VIL1: variants seen among roughly 807,000 people sequenced by gnomAD.
VIL1 encodes the protein villin-1.
VIL1 carries 86 observed loss-of-function variants against 104.0 expected under a neutral mutation model. That is an observed-to-expected ratio of 0.83 (90% CI 0.69 to 0.99). VIL1 has a LOEUF of 0.99. Ranked by LOEUF, VIL1 falls within the 50% of genes least tolerant of loss-of-function variation. The pLI is 0.00. For synonymous variants in VIL1, 394 were observed against 412.6 expected (o/e 0.95, Z 0.55); for missense variants, 944 against 1,054.1 (o/e 0.90, Z 1.45).
rs773439326 is a variant in VIL1 at position 218,437,203 on chromosome 2, C to T, written c.2051C>T (p.Thr684Ile). The change falls in exon 17 of 20, where the codon ACC becomes ATC. Residue 684 changes from threonine (T) to isoleucine (I), a missense_variant. Coordinates refer to ENST00000248444, the MANE Select transcript of VIL1 (RefSeq NM_007127.3). ...AATTAQEYLK[T>I]HPSGRDPETP... ...ACCACTGCACAGGAATACCTCAAGA[C>T]CCATCCCAGCGGGCGTGACCCTGAG... The T allele has an allele frequency of 1.2e-5, 19 of 1,614,096 alleles. No individual in the cohort carries two copies. In the South Asian group the frequency reaches 1.6e-4, roughly 14 times the overall value.
At chr2:218,443,140 AC>A (rs1313823426) in intron 19 of VIL1, among the ~76,000 whole-genome samples, 1 of 152,172 alleles carries the variant, frequency 6.6e-6, no homozygotes, top group Non-Finnish European at 1.5e-5. Context: ...CAGAGCAAGA[AC>A]CAGGCCTTCA....
At chr2:218,429,237 C>T in intron 6 of VIL1, 48 bp from the exon 7 acceptor site, 1 of 1,569,970 alleles carries the variant, frequency 6.4e-7, no homozygotes. Flanking sequence ...GCAGACACTG[C>T]CTCATTCCCC....
intron 15 of VIL1, 90 bp downstream of exon 15, chr2:218,435,524 T>C (rs1689174096): frequency 6.7e-7 from 1 of 1,500,160 alleles, no homozygotes; most frequent in Non-Finnish European, 9.0e-7. Flanking sequence ...ACAGCAGGCA[T>C]GGACTGAGGA....
Position 218,436,489 on chromosome 2 carries a change from GA to G in VIL1, c.1836del (p.Glu613LysfsTer40), listed in dbSNP as rs1689191629. On this transcript the variant is annotated frameshift_variant, in exon 16 of 20. Transcript: ENST00000248444. LOFTEE classifies it high-confidence loss of function. Reference sequence around the variant, plus strand: ...CTTCTCTCCATCCTGCAGACTACAGGAAGAAAACCTGGTCATCACCCCCCGG... The same window carrying G: ...CTTCTCTCCATCCTGCAGACTACAGGAGAAAACCTGGTCATCACCCCCCGG... ...APYANTKRLQ[E>X]ENLVITPRLF... The G allele has an allele frequency of 6.2e-7, 1 of 1,613,798 alleles. No individual in the cohort carries two copies. The highest frequency in any genetic ancestry group is 1.3e-5 in the African/African-American group (1 of 74,984).
intron 19 of VIL1, among the ~76,000 whole-genome samples, chr2:218,447,277 C>T (rs776144642): frequency 1.3e-5 from 2 of 152,164 alleles, no homozygotes; most frequent in Admixed American, 6.6e-5. Context: ...CTGAGGGTGA[C>T]AGGCTTTTGC....
intron 10 of VIL1, chr2:218,431,351 C>CAA (rs10527756): frequency 2.6e-4 from 24 of 90,660 alleles, no homozygotes; most frequent in South Asian, 4.1e-4. Context: ...AACTCCATCT[C>CAA]AAAAAAAAAA....
Position 218,449,254 on chromosome 2 carries a change from C to A in VIL1, c.2402C>A (p.Ala801Asp), listed in dbSNP as rs1033953915. The A allele has an allele frequency of 6.2e-7, 1 of 1,614,032 alleles. No individual in the cohort carries two copies. Residue 801 changes from alanine to aspartate, a missense_variant, in exon 20 of 20, where the codon GCC becomes GAC. Physicochemically the swap from Ala to Asp is moderately radical, Grantham distance 126. Transcript: ENST00000248444. ...CTGTCCATTGAAGATTTCACTCAGGCCTTTGGGATGACTCCAGCTGCCTTC... is the reference window on the plus strand; with the variant it reads ...CTGTCCATTGAAGATTTCACTCAGGACTTTGGGATGACTCCAGCTGCCTTC... ...EHLSIEDFTQAFGMTPAAFSA... is the reference protein window; with the variant it reads ...EHLSIEDFTQDFGMTPAAFSA...
At chr2:218,446,084 G>C (rs1222652704) in intron 19 of VIL1, among the ~76,000 whole-genome samples, 1 of 151,980 alleles carries the variant, frequency 6.6e-6, no homozygotes, top group African/African-American at 2.4e-5. Context: ...TTGATCTTTG[G>C]CCTTCCTAGT....
At chr2:218,443,432 A>G in intron 19 of VIL1, among the ~76,000 whole-genome samples, 1 of 151,788 alleles carries the variant, frequency 6.6e-6, no homozygotes, top group East Asian at 1.9e-4. Flanking sequence ...TCCTGACCTT[A>G]GGTGATCTGC....
intron 3 of VIL1, among the ~76,000 whole-genome samples, chr2:218,425,239 C>T (rs575094553): frequency 3.4e-4 from 52 of 152,226 alleles, no homozygotes; most frequent in African/African-American, 1.2e-3. Flanking sequence ...TGCCCCCACA[C>T]CTGGCTAATT....
chr2:218,450,635 C>T lies in VIL1; in HGVS notation c.*1299C>T, dbSNP rs566180370. The stretch of plus-strand genomic sequence containing the variant: ...CCTGGGGACAAGAGGTGTGCACACC[C>T]ACATGTGGTCTCACTCTTCACACAG... On this transcript the variant is annotated 3_prime_UTR_variant, in exon 20 of 20. Transcript: ENST00000248444. The T allele has an allele frequency of 6.6e-6, 1 of 152,584 alleles. No homozygotes were observed. Among genetic ancestry groups the T allele is most frequent in the South Asian group, 2.1e-4 (1 of 4,832 alleles). The allele number at this position is 152,584 out of a possible 1,614,324, so 9.5% of individuals were successfully genotyped here.
chr2:218,450,452 A>T lies in VIL1; in HGVS notation c.*1116A>T, dbSNP rs1202584260. 1 of 152,664 alleles carries T rather than the reference A, an allele frequency of 6.6e-6. No homozygotes were observed. Among genetic ancestry groups the T allele is most frequent in the Non-Finnish European group, 1.5e-5 (1 of 68,048 alleles). The allele number at this position is 152,664 out of a possible 1,614,324, so 9.5% of individuals were successfully genotyped here. ...CATAAAGAAAAAAAATCATCTCACA[A>T]ATAATGTGGCCACAGCTGCCAGAAA... On this transcript the variant is annotated 3_prime_UTR_variant, in exon 20 of 20. Transcript: ENST00000248444.
intron 19 of VIL1, among the ~76,000 whole-genome samples, chr2:218,444,477 A>C: frequency 6.6e-6 from 1 of 150,948 alleles, no homozygotes; most frequent in South Asian, 2.1e-4. Flanking sequence ...ACGGGGTTTC[A>C]CTGTGTTAGC....
Position 218,449,434 on chromosome 2 carries a change from C to A in VIL1, c.*98C>A. The A allele has an allele frequency of 9.9e-7, 1 of 1,011,340 alleles. No homozygotes were observed. The highest frequency in any genetic ancestry group is 1.5e-6 in the Non-Finnish European group (1 of 648,600). The allele number at this position is 1,011,340 out of a possible 1,614,324, so 62.6% of individuals were successfully genotyped here. The stretch of plus-strand genomic sequence containing the variant: ...CTACACCAATTGAAGTGAAATTTTG[C>A]AGATGTGCCTATGAGCACAAACTTC... On this transcript the variant is annotated 3_prime_UTR_variant, in exon 20 of 20. Transcript: ENST00000248444.
In VIL1 at chr2:218,435,312, G is replaced by A. The variant is rs1178075964; in HGVS notation, c.1704G>A (p.Glu568=). The A allele has an allele frequency of 6.2e-6, 10 of 1,613,954 alleles. No homozygotes were observed. The highest frequency in any genetic ancestry group is 8.5e-6 in the Non-Finnish European group (10 of 1,179,976). ...CGKGCSGDER[E]MAKMVADTIS... is the part of the protein sequence containing the mutation. Reference sequence around the variant, plus strand: ...AGGGTTGTAGCGGGGACGAGCGGGAGATGGCCAAGATGGTTGCTGACACCA... The same window carrying A: ...AGGGTTGTAGCGGGGACGAGCGGGAAATGGCCAAGATGGTTGCTGACACCA... Residue 568 remains glutamate (E), a synonymous_variant, in exon 15 of 20, where the codon GAG becomes GAA. Coordinates refer to ENST00000248444, the MANE Select transcript of VIL1 (RefSeq NM_007127.3).
chr2:218,442,388 C>T (rs1246080382), intron 19 of VIL1, among the ~76,000 whole-genome samples: 2 of 152,132 alleles, frequency 1.3e-5, no homozygotes, highest in Non-Finnish European at 2.9e-5. Context: ...GCACATGGTC[C>T]ATCTGGTAAC....
chr2:218,420,258 C>T (rs932784378), intron 1 of VIL1, among the ~76,000 whole-genome samples: 7 of 151,832 alleles, frequency 4.6e-5, no homozygotes, highest in African/African-American at 1.2e-4. Flanking sequence ...AGTGAAACCC[C>T]GTTTCTACTA....
chr2:218,452,272 G>A lies in VIL1; in HGVS notation c.*2936G>A, dbSNP rs1041647213. On this transcript the variant is annotated 3_prime_UTR_variant, in exon 20 of 20. Coordinates refer to ENST00000248444, the MANE Select transcript of VIL1 (RefSeq NM_007127.3). The stretch of plus-strand genomic sequence containing the variant: ...AGGTATTGTGCAAACTGCCTGCAAC[G>A]GAAGCACTCAGTCCTTATCTAACTT... The A allele has an allele frequency of 2.0e-5, 3 of 152,106 alleles. No homozygotes were observed. The highest frequency in any genetic ancestry group is 4.8e-5 in the African/African-American group (2 of 41,412). 9.4% of individuals were successfully genotyped at this position (152,106 alleles called of 1,614,324 possible).
Position 218,440,763 on chromosome 2 carries a change from C to A in VIL1, c.2271C>A (p.Ser757Arg), listed in dbSNP as rs1689272101. Residue 757 changes from serine (S) to arginine (R), a missense_variant, in exon 19 of 20, where the codon AGC becomes AGA. Physicochemically the swap from Ser to Arg is moderately radical, Grantham distance 110 (BLOSUM62 -1). Transcript: ENST00000248444. The stretch of plus-strand genomic sequence containing the variant: ...AAGTGGACGTGTTCAATGCTAACAG[C>A]AACCTCAGTTCTGGGCCTCTGCCCA... ...SPKVDVFNANSNLSSGPLPIF... is the reference protein window; with the variant it reads ...SPKVDVFNANRNLSSGPLPIF... The A allele has an allele frequency of 6.2e-7, 1 of 1,614,176 alleles. No homozygotes were observed. Among genetic ancestry groups the A allele is most frequent in the Non-Finnish European group, 8.5e-7 (1 of 1,180,032 alleles).
Sources: gnomAD v4.1 joint callset for allele counts (sites outside exome capture counted in the v4.1 genomes callset) on GRCh38, gnomAD v4.1.1 for gene constraint, MANE v1.5 for transcripts, NCBI Gene and HGNC (gene_info 2026-07-23, HGNC 2026-07-21) for gene names.